Variants in LINGO2 observed in about 807,000 individuals in gnomAD.
LINGO2 encodes the protein leucine rich repeat and Ig domain containing 2.
In LINGO2, 14 loss-of-function variants were observed where a neutral mutation model predicts 30.6. The ratio of observed to expected loss-of-function variants is 0.46; its 90% confidence interval spans 0.30 to 0.72. The LOEUF (loss-of-function observed/expected upper bound fraction) is 0.72. LINGO2 is among the 30% of genes least tolerant of loss of function. LINGO2 has a pLI of 0.07. For missense variants in LINGO2, 729 were observed against 751.7 expected (o/e 0.97, Z 0.35); for synonymous variants, 317 against 288.5 (o/e 1.10, Z -1.00).
chr9:28,487,627 C>A (rs1051694752), intron 1 of LINGO2, among the ~76,000 whole-genome samples: 4 of 152,082 alleles, frequency 2.6e-5, no homozygotes, highest in African/African-American at 9.7e-5. Context: ...AAAGTGTATA[C>A]AAATATCCAT....
At chr9:28,038,535 T>C (rs931673893) in intron 4 of LINGO2, among the ~76,000 whole-genome samples, 2 of 151,860 alleles carry the variant, frequency 1.3e-5, no homozygotes, top group Middle Eastern at 3.4e-3. Context: ...CTACTAAAAA[T>C]ACAAAAAATT....
chr9:28,183,456 C>T (rs1044523636), intron 4 of LINGO2, among the ~76,000 whole-genome samples: 2 of 152,120 alleles, frequency 1.3e-5, no homozygotes, highest in Admixed American at 6.5e-5. Context: ...AGTTTTTATG[C>T]AGGGGTCACA....
chr9:27,994,568 A>C (rs1475922209), intron 5 of LINGO2, among the ~76,000 whole-genome samples: 2 of 152,156 alleles, frequency 1.3e-5, no homozygotes, highest in African/African-American at 4.8e-5. Context: ...AGGAACACCC[A>C]TTAAGAAGCC....
At chr9:28,771,504 TGTGAGA>T in the LINGO2 span, among the ~76,000 whole-genome samples, 167 of 74,452 alleles carry the variant, frequency 2.2e-3, 1 homozygote, top group Middle Eastern at 7.7e-3. Flanking sequence ...TGTGTGTGTG[TGTGAGA>T]GAGAGAGAGA....
At chr9:28,258,102 A>G (rs184041598) in intron 4 of LINGO2, among the ~76,000 whole-genome samples, 6 of 152,100 alleles carry the variant, frequency 3.9e-5, no homozygotes, top group African/African-American at 1.4e-4. Flanking sequence ...CTAATAAATG[A>G]TGAGGTGTCC....
chr9:29,004,454 G>T, the LINGO2 span, among the ~76,000 whole-genome samples: 4 of 151,798 alleles, frequency 2.6e-5, no homozygotes, highest in Non-Finnish European at 4.4e-5. Context: ...ACAAGTGAAA[G>T]GAAGTACATT....
chr9:28,988,877 G>A, the LINGO2 span, among the ~76,000 whole-genome samples: 1 of 152,114 alleles, frequency 6.6e-6, no homozygotes, highest in Non-Finnish European at 1.5e-5. Context: ...ACATGCCAGT[G>A]TTTCAGGTTT....
chr9:28,409,582 G>A (rs1442153818), intron 2 of LINGO2, among the ~76,000 whole-genome samples: 1 of 151,492 alleles, frequency 6.6e-6, no homozygotes, highest in Non-Finnish European at 1.5e-5. Context: ...TATAAAATCT[G>A]GATTATTATT....
intron 3 of LINGO2, among the ~76,000 whole-genome samples, chr9:28,323,238 T>TATA (rs2134309839): frequency 1.3e-5 from 2 of 152,348 alleles, no homozygotes; most frequent in South Asian, 4.1e-4. Context: ...ATGGATTACC[T>TATA]ATAGCTCTCA....
At chr9:27,979,492 T>A (rs1563876906) in intron 5 of LINGO2, among the ~76,000 whole-genome samples, 2 of 151,992 alleles carry the variant, frequency 1.3e-5, no homozygotes, top group Non-Finnish European at 2.9e-5. Context: ...GCCTCTGGAA[T>A]TAAATAATTG....
chr9:28,957,572 T>A, the LINGO2 span, among the ~76,000 whole-genome samples: 4 of 152,192 alleles, frequency 2.6e-5, no homozygotes, highest in East Asian at 1.9e-4. Flanking sequence ...GTGGCAGTAA[T>A]AAAGTCCATA....
intron 1 of LINGO2, among the ~76,000 whole-genome samples, chr9:28,618,584 C>T: frequency 6.6e-6 from 1 of 152,158 alleles, no homozygotes; most frequent in East Asian, 1.9e-4. Context: ...CCACCAGGCT[C>T]ACAATGACCT....
chr9:28,539,293 C>T (rs552386950), intron 1 of LINGO2, among the ~76,000 whole-genome samples: 2 of 151,936 alleles, frequency 1.3e-5, no homozygotes, highest in South Asian at 2.1e-4. Context: ...TCAACATATC[C>T]TATATGTCTA....
chr9:28,775,566 A>T, the LINGO2 span, among the ~76,000 whole-genome samples: 1 of 152,190 alleles, frequency 6.6e-6, no homozygotes, highest in Non-Finnish European at 1.5e-5. Flanking sequence ...TGGGCCTCAA[A>T]CTTCCTGAAC....
chr9:28,988,878 T>A, the LINGO2 span, among the ~76,000 whole-genome samples: 1 of 152,160 alleles, frequency 6.6e-6, no homozygotes, highest in Admixed American at 6.5e-5. Context: ...CATGCCAGTG[T>A]TTCAGGTTTT....
At chr9:28,568,916 G>C (rs1823531429) in intron 1 of LINGO2, among the ~76,000 whole-genome samples, 1 of 146,816 alleles carries the variant, frequency 6.8e-6, no homozygotes, top group Non-Finnish European at 1.5e-5. Flanking sequence ...AAACTCACGA[G>C]TAAAGGTTGG....
chr9:28,163,652 A>G (rs1828348087), intron 4 of LINGO2, among the ~76,000 whole-genome samples: 2 of 152,182 alleles, frequency 1.3e-5, no homozygotes, highest in South Asian at 4.1e-4. Context: ...AATAAAAATA[A>G]GAATACATGG....
chr9:28,434,616 T>C (rs1823844647), intron 2 of LINGO2, among the ~76,000 whole-genome samples: 2 of 152,146 alleles, frequency 1.3e-5, no homozygotes, highest in Admixed American at 1.3e-4. Context: ...AAACCAGAAG[T>C]CTTCTGTCTC....
At chr9:28,714,343 T>A in the LINGO2 span, among the ~76,000 whole-genome samples, 1 of 151,768 alleles carries the variant, frequency 6.6e-6, no homozygotes, top group Non-Finnish European at 1.5e-5. Context: ...AGGATCCCAA[T>A]CACCATCAAG....
Sources: allele counts gnomAD v4.1 joint callset (sites outside exome capture counted in the v4.1 genomes callset), GRCh38; gene constraint gnomAD v4.1.1; transcripts MANE v1.5; gene names NCBI Gene and HGNC (gene_info 2026-07-23, HGNC 2026-07-21).